Variants in RGS7 observed in about 807,000 individuals in gnomAD.
RGS7 encodes the protein regulator of G-protein signaling 7.
In RGS7, 27 loss-of-function variants were observed where a neutral mutation model predicts 81.1. The ratio of observed to expected loss-of-function variants is 0.33; its 90% confidence interval spans 0.25 to 0.46. The LOEUF (loss-of-function observed/expected upper bound fraction) is 0.46. RGS7 is among the 20% of genes least tolerant of loss of function. The probability of loss-of-function intolerance (pLI) is 1.00; values close to 1 mark genes in which losing one functional copy is unlikely to be tolerated. For missense variants in RGS7, 396 were observed against 607.4 expected (o/e 0.65, Z 3.66); for synonymous variants, 208 against 207.7 (o/e 1.00, Z -0.01).
At chr1:240,901,428 C>T (rs768095583) in intron 6 of RGS7, among the ~76,000 whole-genome samples, 4 of 152,150 alleles carry the variant, frequency 2.6e-5, no homozygotes, top group Admixed American at 2.6e-4. Context: ...GAACAAGAAC[C>T]AAAACTCTTT....
intron 14 of RGS7, among the ~76,000 whole-genome samples, chr1:240,809,540 A>C (rs2103086266): frequency 6.6e-6 from 1 of 152,242 alleles, no homozygotes; most frequent in African/African-American, 2.4e-5. Flanking sequence ...GTTTGTAGGA[A>C]ACCAAGAATG....
chr1:241,295,973 CA>C (rs1233611229), intron 2 of RGS7, among the ~76,000 whole-genome samples: 1 of 152,160 alleles, frequency 6.6e-6, no homozygotes. Flanking sequence ...ATATTAGTCA[CA>C]AAAGTTGGAG....
intron 15 of RGS7, 137 bp downstream of exon 15, chr1:240,806,003 C>G: frequency 1.3e-6 from 1 of 777,798 alleles, no homozygotes; most frequent in East Asian, 2.6e-5. Flanking sequence ...CTTCCTAGAT[C>G]AGTTAGAGTT....
chr1:241,230,037 AC>A (rs2075564025), intron 2 of RGS7, among the ~76,000 whole-genome samples: 1 of 151,182 alleles, frequency 6.6e-6, no homozygotes, highest in African/African-American at 2.4e-5. Context: ...AGTTCACAAA[AC>A]CAATGACTTC....
At chr1:241,287,580 A>C (rs1219766578) in intron 2 of RGS7, among the ~76,000 whole-genome samples, 1 of 152,158 alleles carries the variant, frequency 6.6e-6, no homozygotes, top group African/African-American at 2.4e-5. Flanking sequence ...CTTTATTAGC[A>C]GTGTGAAAAC....
intron 3 of RGS7, among the ~76,000 whole-genome samples, chr1:241,064,285 C>G (rs1056214905): frequency 6.6e-6 from 1 of 151,566 alleles, no homozygotes; most frequent in Non-Finnish European, 1.5e-5. Flanking sequence ...CTGGAAGTAC[C>G]TATTTAAAAT....
intron 2 of RGS7, among the ~76,000 whole-genome samples, chr1:241,168,162 A>C (rs543219357): frequency 6.6e-6 from 1 of 152,196 alleles, no homozygotes; most frequent in Non-Finnish European, 1.5e-5. Flanking sequence ...GTGTTACAAT[A>C]CTTTTAACTC....
chr1:240,856,611 A>T (rs187431182), intron 9 of RGS7, among the ~76,000 whole-genome samples: 1 of 147,972 alleles, frequency 6.8e-6, no homozygotes, highest in Admixed American at 6.6e-5. Context: ...TTTATCATAT[A>T]CTTGTTTGTT....
At chr1:241,186,907 A>AGGTCTT (rs2103343668) in intron 2 of RGS7, among the ~76,000 whole-genome samples, 1 of 152,302 alleles carries the variant, frequency 6.6e-6, no homozygotes, top group Non-Finnish European at 1.5e-5. Flanking sequence ...ATGTAAGCAG[A>AGGTCTT]TGATGGGTCT....
At chr1:240,983,998 G>A (rs778604473) in intron 3 of RGS7, among the ~76,000 whole-genome samples, 1 of 152,204 alleles carries the variant, frequency 6.6e-6, no homozygotes, top group Non-Finnish European at 1.5e-5. Flanking sequence ...ATGAATAAGA[G>A]AGAAATTTAG....
intron 6 of RGS7, among the ~76,000 whole-genome samples, chr1:240,872,859 A>T (rs941595212): frequency 6.6e-6 from 1 of 152,114 alleles, no homozygotes; most frequent in Non-Finnish European, 1.5e-5. Context: ...TGGGTGGATC[A>T]CAAGGTCAGG....
chr1:241,327,185 G>A (rs1018803341), intron 2 of RGS7, among the ~76,000 whole-genome samples: 2 of 150,378 alleles, frequency 1.3e-5, no homozygotes, highest in African/African-American at 4.9e-5. Flanking sequence ...CTAAGATCAA[G>A]CCATAGGTAC....
At chr1:240,969,021 T>A (rs1682775862) in intron 4 of RGS7, among the ~76,000 whole-genome samples, 1 of 152,168 alleles carries the variant, frequency 6.6e-6, no homozygotes, top group Admixed American at 6.5e-5. Flanking sequence ...TACACAACTA[T>A]CTATGGCCGC....
At chr1:241,094,603 T>TAAAACCAAAACC (rs35139648) in intron 3 of RGS7, among the ~76,000 whole-genome samples, 3 of 139,954 alleles carry the variant, frequency 2.1e-5, no homozygotes, top group South Asian at 2.2e-4. Context: ...TCAACAACTC[T>TAAAACCAAAACC]AAAACCAAAA....
chr1:241,120,781 CT>C (rs2066198643), intron 2 of RGS7, among the ~76,000 whole-genome samples: 1 of 151,966 alleles, frequency 6.6e-6, no homozygotes, highest in African/African-American at 2.4e-5. Flanking sequence ...GGGAAACTAG[CT>C]GACAAGTAAA....
intron 9 of RGS7, among the ~76,000 whole-genome samples, chr1:240,836,095 A>G (rs1365998852): frequency 7.1e-6 from 1 of 140,180 alleles, no homozygotes. Flanking sequence ...TGATAATGAT[A>G]TATCAGTGTC....
intron 2 of RGS7, among the ~76,000 whole-genome samples, chr1:241,351,754 GA>G (rs1034442542): frequency 2.0e-5 from 3 of 152,324 alleles, no homozygotes; most frequent in Non-Finnish European, 4.4e-5. Flanking sequence ...GGAAGGGGGA[GA>G]GGGGTGAGGA....
intron 6 of RGS7, among the ~76,000 whole-genome samples, chr1:240,887,117 T>C (rs776077621): frequency 6.6e-6 from 1 of 152,186 alleles, no homozygotes; most frequent in Non-Finnish European, 1.5e-5. Context: ...ATGGAATTAC[T>C]AGATATATTG....
intron 2 of RGS7, among the ~76,000 whole-genome samples, chr1:241,340,450 G>A (rs2082476674): frequency 1.3e-5 from 2 of 152,264 alleles, no homozygotes; most frequent in African/African-American, 4.8e-5. Flanking sequence ...ATAATTCTGA[G>A]AGCATCTGGG....
Sources: gnomAD v4.1 joint callset for allele counts (sites outside exome capture counted in the v4.1 genomes callset) on GRCh38, gnomAD v4.1.1 for gene constraint, MANE v1.5 for transcripts, NCBI Gene and HGNC (gene_info 2026-07-23, HGNC 2026-07-21) for gene names.